The following PCDH11X variants were observed in gnomAD, a reference collection of about 807,000 sequenced individuals.
The protein encoded by PCDH11X is protocadherin-11 X-linked.
Under a neutral mutation model 53.3 loss-of-function variants are expected in PCDH11X, and 18 were observed. The observed-to-expected ratio is 0.34, with a 90% confidence interval of 0.23 to 0.50. The LOEUF is 0.50. PCDH11X is among the 20% of genes least tolerant of loss of function. The pLI is 0.98. For synonymous variants in PCDH11X, 279 were observed against 393.3 expected, an observed-to-expected ratio of 0.71 and a Z score of 3.44; for missense variants, 570 against 1,032.4, an observed-to-expected ratio of 0.55 and a Z score of 6.14.
At chrX:92,193,804 G>A (rs965279203) in intron 6 of PCDH11X, among the ~76,000 whole-genome samples, 1 of 111,358 alleles carries the variant, frequency 9.0e-6, no homozygotes, top group African/African-American at 3.3e-5. Context: ...TCTACAGTAA[G>A]CTGCTGAATA....
intron 10 of PCDH11X, among the ~76,000 whole-genome samples, chrX:92,490,970 C>T (rs2073753297): frequency 9.3e-6 from 1 of 107,770 alleles, no homozygotes; most frequent in African/African-American, 3.4e-5. Context: ...CTATAATTAA[C>T]TACGAAAAGG....
At chrX:92,358,182 T>G (rs950143432) in intron 8 of PCDH11X, among the ~76,000 whole-genome samples, 1 of 103,909 alleles carries the variant, frequency 9.6e-6, no homozygotes, top group Non-Finnish European at 2.0e-5. Context: ...GCTAAAAAAA[T>G]TATAGGTCTA....
At chrX:92,252,504 T>G (rs757326367) in intron 7 of PCDH11X, among the ~76,000 whole-genome samples, 2 of 111,513 alleles carry the variant, frequency 1.8e-5, no homozygotes, top group African/African-American at 6.5e-5. Flanking sequence ...GATAAATATT[T>G]TCATTTTGAC....
chrX:92,024,317 C>G (rs1193172151), intron 6 of PCDH11X, among the ~76,000 whole-genome samples: 2 of 111,008 alleles, frequency 1.8e-5, no homozygotes, highest in Non-Finnish European at 3.8e-5. Context: ...TCAGCAAAGT[C>G]TCAGGATACA....
rs1379541715 is a variant in PCDH11X at position 92,230,695 on chromosome X, A to T, written c.3114+29240A>T. Among the ~76,000 whole-genome samples, 3 of 102,532 alleles carry T rather than the reference A, an allele frequency of 2.9e-5. No homozygotes were observed. In the South Asian group the frequency reaches 1.3e-3, roughly 43 times the overall value. 89.0% of individuals were successfully genotyped at this position (102,532 alleles called of 115,157 possible). A position where few individuals can be genotyped will look rare whatever the true frequency, so the allele number is the denominator to read the frequency against. The stretch of plus-strand genomic sequence containing the variant: ...GGTGAATATGGATGTTATTAGAGTG[A>T]CCAATGGAGCTGGTATCCTGGGAAT... On this transcript the variant is annotated intron_variant, in intron 7 of 10. Coordinates refer to ENST00000682573, the MANE Select transcript of PCDH11X (RefSeq NM_032968.5).
At chrX:92,333,230 G>A (rs1569467216) in intron 8 of PCDH11X, among the ~76,000 whole-genome samples, 1 of 109,738 alleles carries the variant, frequency 9.1e-6, no homozygotes, top group Non-Finnish European at 1.9e-5. Flanking sequence ...GATGAATAAC[G>A]TTGTTGTGAA....
At chrX:92,279,531 T>A (rs1165292727) in intron 8 of PCDH11X, among the ~76,000 whole-genome samples, 1 of 112,565 alleles carries the variant, frequency 8.9e-6, no homozygotes, top group Admixed American at 9.4e-5. Flanking sequence ...TTCTGGGAAT[T>A]GTTTGCTGCA....
chrX:92,457,349 G>T (rs1451939729), intron 9 of PCDH11X, among the ~76,000 whole-genome samples: 1 of 106,235 alleles, frequency 9.4e-6, no homozygotes, highest in Non-Finnish European at 2.0e-5. Flanking sequence ...CAGTTACAAA[G>T]TCCCAATAAG....
intron 9 of PCDH11X, among the ~76,000 whole-genome samples, chrX:92,437,372 C>A (rs62598685): frequency 0.11 from 12,040 of 111,049 alleles, 512 homozygotes; most frequent in Middle Eastern, 0.15. Context: ...GTCTGAGCTT[C>A]AGTGGATCTC....
chrX:92,103,932 G>T (rs1419089884), intron 6 of PCDH11X, among the ~76,000 whole-genome samples: 2 of 111,508 alleles, frequency 1.8e-5, no homozygotes, highest in Non-Finnish European at 1.9e-5. Context: ...AGCAGATTGG[G>T]TAATAAAATG....
intron 6 of PCDH11X, among the ~76,000 whole-genome samples, chrX:92,077,667 A>AG (rs754049800): frequency 2.0e-5 from 2 of 98,990 alleles, no homozygotes; most frequent in South Asian, 8.7e-4. Flanking sequence ...GAAGGAAGGA[A>AG]GGACAGACAT....
chrX:92,541,646 T>C (rs1420767064), intron 10 of PCDH11X, among the ~76,000 whole-genome samples: 1 of 107,177 alleles, frequency 9.3e-6, no homozygotes, highest in African/African-American at 3.4e-5. Flanking sequence ...CTTTAGATTT[T>C]TTTCTTAAGC....
At chrX:92,143,464 T>A (rs1015434572) in intron 6 of PCDH11X, among the ~76,000 whole-genome samples, 7 of 112,435 alleles carry the variant, frequency 6.2e-5, no homozygotes, top group African/African-American at 2.3e-4. Context: ...TCTCTAGTCG[T>A]GGCTGAAAGG....
intron 8 of PCDH11X, among the ~76,000 whole-genome samples, chrX:92,321,184 GTTTTTTTTTGTTTTTTT>G (rs2069193704): frequency 1.2e-5 from 1 of 84,901 alleles, no homozygotes; most frequent in Non-Finnish European, 2.2e-5. Flanking sequence ...TGAACTGTAA[GTTTTTTTTTGTTTTTTT>G]TTTTTTTTTG....
At chrX:91,866,960 C>T (rs1389479813) in intron 5 of PCDH11X, among the ~76,000 whole-genome samples, 1 of 111,564 alleles carries the variant, frequency 9.0e-6, no homozygotes, top group East Asian at 2.8e-4. Flanking sequence ...AAAACTGGGA[C>T]CAGTGTCTTT....
At chrX:92,597,289 T>G (rs1380765158) in intron 10 of PCDH11X, among the ~76,000 whole-genome samples, 3 of 100,475 alleles carry the variant, frequency 3.0e-5, no homozygotes, top group Non-Finnish European at 6.0e-5. Context: ...AACTAAAGAG[T>G]GCAAAAAAAC....
At chrX:91,782,521 C>T (rs2147505955) in intron 1 of PCDH11X, among the ~76,000 whole-genome samples, 1 of 110,714 alleles carries the variant, frequency 9.0e-6, no homozygotes, top group African/African-American at 3.3e-5. Context: ...CCCGTGGCTG[C>T]TGCTTCGCCT....
chrX:92,227,487 A>G (rs1429708943), intron 7 of PCDH11X, among the ~76,000 whole-genome samples: 1 of 111,289 alleles, frequency 9.0e-6, no homozygotes, highest in Non-Finnish European at 1.9e-5. Context: ...ATATTATTCT[A>G]TTTTCTTAAA....
At chrX:91,893,654 A>G (rs957408230) in intron 6 of PCDH11X, among the ~76,000 whole-genome samples, 7 of 111,151 alleles carry the variant, frequency 6.3e-5, no homozygotes, top group Non-Finnish European at 1.1e-4. Flanking sequence ...GTTCACCCCA[A>G]ATAGAAATCA....
Sources: allele counts gnomAD v4.1 joint callset (sites outside exome capture counted in the v4.1 genomes callset), GRCh38; gene constraint gnomAD v4.1.1; transcripts MANE v1.5; gene names NCBI Gene and HGNC (gene_info 2026-07-23, HGNC 2026-07-21).